TTLL5: variants seen among roughly 807,000 people sequenced by gnomAD.
TTLL5 encodes the protein tubulin tyrosine ligase like 5.
Under a neutral mutation model 168.4 loss-of-function variants are expected in TTLL5, and 132 were observed. The ratio of observed to expected loss-of-function variants is 0.78; its 90% confidence interval spans 0.68 to 0.91. The LOEUF is 0.91. Among genes scored for constraint, TTLL5 ranks in the 40% least tolerant of loss-of-function variants. The pLI is 0.00. For synonymous variants in TTLL5, 546 were observed against 558.6 expected (o/e 0.98, Z 0.32); for missense variants, 1,545 against 1,581.5 (o/e 0.98, Z 0.39).
chr14:75,884,373 G>A (rs1411134426), intron 30 of TTLL5, among the ~76,000 whole-genome samples: 1 of 152,182 alleles, frequency 6.6e-6, no homozygotes, highest in African/African-American at 2.4e-5. Context: ...GGGCCCAGGC[G>A]GCAGGGCTGG....
intron 28 of TTLL5, among the ~76,000 whole-genome samples, chr14:75,846,463 C>T (rs1007615669): frequency 6.6e-6 from 1 of 152,070 alleles, no homozygotes; most frequent in African/African-American, 2.4e-5. Flanking sequence ...ATTTTAGAAG[C>T]GAACCATGAT....
chr14:75,679,991 G>A (rs936516488), intron 3 of TTLL5, among the ~76,000 whole-genome samples: 5 of 152,212 alleles, frequency 3.3e-5, no homozygotes, highest in East Asian at 1.9e-4. Context: ...ACTTGAAAGA[G>A]AAATTGTTGT....
intron 31 of TTLL5, chr14:75,930,488 C>A (rs2034240032): frequency 2.8e-6 from 2 of 707,618 alleles, no homozygotes; most frequent in South Asian, 6.3e-5. Flanking sequence ...TGCAAATATT[C>A]TAAAATCTGA....
At chr14:75,840,453 G>T (rs1391339349) in intron 28 of TTLL5, among the ~76,000 whole-genome samples, 4 of 137,032 alleles carry the variant, frequency 2.9e-5, no homozygotes, top group Admixed American at 7.6e-5. Context: ...TGTTCTCATT[G>T]TTCACCTCCC....
At chr14:75,770,193 A>AAAG (rs1234617364) in intron 20 of TTLL5, among the ~76,000 whole-genome samples, 1 of 151,336 alleles carries the variant, frequency 6.6e-6, no homozygotes, top group African/African-American at 2.4e-5. Context: ...AAAAAAAAAA[A>AAAG]AAAAAGAAAA....
intron 29 of TTLL5, among the ~76,000 whole-genome samples, chr14:75,876,819 T>C (rs1466311150): frequency 6.6e-6 from 1 of 152,210 alleles, no homozygotes; most frequent in Non-Finnish European, 1.5e-5. Context: ...ACAGTTACTC[T>C]CACTCTCACC....
rs1045127706 is a variant in TTLL5 at position 75,764,726 on chromosome 14, T to G, written c.1662T>G (p.Arg554=). ...RKLLSLEVRK[R]RRRSSRLRAM... is the part of the protein sequence containing the mutation. ...TCCTGTCTCTGGAGGTGCGAAAACG[T>G]AGACGACGGAGTAGCAGATTGAGGG... is the stretch of plus-strand genomic sequence containing the variant. Residue 554 remains arginine (R), a synonymous_variant, in exon 19 of 32, where the codon CGT becomes CGG. Transcript: ENST00000298832. 1.7e-5 allele frequency: 27 copies of G among 1,614,040 alleles called. 1 individual carries two copies. The Admixed American group carries it at 4.2e-4, about 25-fold the overall frequency.
At chr14:75,871,579 AAG>A (rs1459955632) in intron 29 of TTLL5, among the ~76,000 whole-genome samples, 90 of 152,070 alleles carry the variant, frequency 5.9e-4, no homozygotes, top group Middle Eastern at 3.4e-3. Context: ...AAAAAAAAAA[AAG>A]GGTCAGTGTA....
chr14:75,868,710 G>T (rs2139970191), intron 29 of TTLL5, among the ~76,000 whole-genome samples: 3 of 152,234 alleles, frequency 2.0e-5, no homozygotes, highest in Admixed American at 2.0e-4. Flanking sequence ...ACCATGTCTT[G>T]TTATTTTGCT....
chr14:75,799,188 A>T (rs1030899260), intron 27 of TTLL5, among the ~76,000 whole-genome samples: 1 of 152,082 alleles, frequency 6.6e-6, no homozygotes, highest in Admixed American at 6.6e-5. Context: ...ATATTTTCCT[A>T]TTGGACTAGT....
intron 12 of TTLL5, among the ~76,000 whole-genome samples, chr14:75,731,000 G>C (rs1384316807): frequency 6.6e-6 from 1 of 152,142 alleles, no homozygotes; most frequent in Non-Finnish European, 1.5e-5. Context: ...TTACAGGCAT[G>C]AGCCACCATA....
chr14:75,819,033 G>A (rs1466678761), intron 27 of TTLL5, among the ~76,000 whole-genome samples: 10 of 152,020 alleles, frequency 6.6e-5, no homozygotes, highest in East Asian at 1.9e-4. Context: ...CATAGGCCTC[G>A]GTTTCTTTCT....
chr14:75,667,962 T>C (rs1314655371), intron 2 of TTLL5, among the ~76,000 whole-genome samples: 1 of 152,026 alleles, frequency 6.6e-6, no homozygotes, highest in Admixed American at 6.6e-5. Context: ...GGTTTCACCA[T>C]GTTGGCCAGG....
At chr14:75,871,581 G>T (rs1410612874) in intron 29 of TTLL5, among the ~76,000 whole-genome samples, 5 of 150,116 alleles carry the variant, frequency 3.3e-5, no homozygotes, top group Admixed American at 3.3e-4. Context: ...AAAAAAAAAA[G>T]GGTCAGTGTA....
At chr14:75,711,256 T>C (rs188052669) in intron 9 of TTLL5, 30 of 152,326 alleles carry the variant, frequency 2.0e-4, no homozygotes, top group African/African-American at 7.2e-4. Context: ...ACAGTAGCCC[T>C]CAGAGGTCCC....
intron 3 of TTLL5, among the ~76,000 whole-genome samples, chr14:75,676,951 T>G (rs1172133963): frequency 1.3e-5 from 2 of 152,028 alleles, no homozygotes; most frequent in African/African-American, 4.8e-5. Context: ...TTTTTAAATT[T>G]TTGTAGAGAC....
intron 15 of TTLL5, among the ~76,000 whole-genome samples, chr14:75,741,526 CTTT>C (rs757442784): frequency 7.3e-6 from 1 of 137,178 alleles, no homozygotes; most frequent in Non-Finnish European, 1.6e-5. Context: ...AGTCTGATTC[CTTT>C]TTTTTTTTTT....
chr14:75,880,303 A>G (rs2031737746), intron 29 of TTLL5, among the ~76,000 whole-genome samples: 1 of 152,148 alleles, frequency 6.6e-6, no homozygotes, highest in Admixed American at 6.5e-5. Flanking sequence ...ATTTTGGGGG[A>G]AAAAATTATG....
At chr14:75,708,011 T>C (rs1886780831) in intron 9 of TTLL5, among the ~76,000 whole-genome samples, 1 of 152,228 alleles carries the variant, frequency 6.6e-6, no homozygotes, top group Admixed American at 6.5e-5. Context: ...CAGTGACAAT[T>C]GTTATGAAGC....
Sources: gnomAD v4.1 joint callset for allele counts (sites outside exome capture counted in the v4.1 genomes callset) on GRCh38, gnomAD v4.1.1 for gene constraint, MANE v1.5 for transcripts, NCBI Gene and HGNC (gene_info 2026-07-23, HGNC 2026-07-21) for gene names.